MGST1: variants seen among roughly 807,000 people sequenced by gnomAD.
The protein encoded by MGST1 is glutathione S-transferase 12.
A neutral mutation model predicts 8.9 loss-of-function variants in MGST1; 5 were observed. That is an observed-to-expected ratio of 0.56 (90% CI 0.29 to 1.19). The LOEUF is 1.19. MGST1 is among the 50% of genes most tolerant of loss of function. The pLI, the probability that MGST1 is intolerant of heterozygous loss-of-function variation, is 0.08. For missense variants in MGST1, 182 were observed against 187.4 expected (o/e 0.97, Z 0.17); for synonymous variants, 54 against 67.8 (o/e 0.80, Z 1.00).
At chr12:16,493,076 G>T (rs1267302077) in intron 4 of MGST1, among the ~76,000 whole-genome samples, 1 of 152,162 alleles carries the variant, frequency 6.6e-6, no homozygotes, top group African/African-American at 2.4e-5. Flanking sequence ...TTTCTTTGCA[G>T]AGAATAGGGC....
chr12:16,349,119 T>C (rs1939336434), intron 1 of MGST1: 1 of 152,196 alleles, frequency 6.6e-6, no homozygotes, highest in Admixed American at 6.5e-5. Flanking sequence ...ATCCGCAACA[T>C]GGCCACCGAA....
At chr12:16,469,373 G>C (rs1327842867) in intron 4 of MGST1, among the ~76,000 whole-genome samples, 2 of 151,896 alleles carry the variant, frequency 1.3e-5, no homozygotes, top group Non-Finnish European at 2.9e-5. Flanking sequence ...ATTTTTAGTA[G>C]AGACAAGGTT....
intron 4 of MGST1, among the ~76,000 whole-genome samples, chr12:16,533,584 G>T (rs1941735840): frequency 6.6e-6 from 1 of 152,084 alleles, no homozygotes; most frequent in Non-Finnish European, 1.5e-5. Context: ...GGAGATTCCA[G>T]GATTGTGTTA....
intron 4 of MGST1, among the ~76,000 whole-genome samples, chr12:16,472,420 G>A (rs570024706): frequency 2.2e-4 from 33 of 151,154 alleles, no homozygotes; most frequent in Non-Finnish European, 4.6e-4. Flanking sequence ...CAGTTGAGTA[G>A]GGCCTTCCTT....
intron 4 of MGST1, among the ~76,000 whole-genome samples, chr12:16,509,293 AC>A (rs1049686366): frequency 4.6e-5 from 7 of 152,140 alleles, no homozygotes; most frequent in Admixed American, 1.3e-4. Context: ...GAATATACAA[AC>A]AATAGATTTT....
chr12:16,357,405 A>G (rs1004596487), intron 2 of MGST1, 200 bp from the exon 3 acceptor site: 11 of 480,864 alleles, frequency 2.3e-5, no homozygotes, highest in Non-Finnish European at 3.7e-5. Flanking sequence ...GACCACAGGC[A>G]TGCATGTGGC....
chr12:16,527,113 C>A (rs1941692294), intron 4 of MGST1, among the ~76,000 whole-genome samples: 1 of 151,952 alleles, frequency 6.6e-6, no homozygotes, highest in Non-Finnish European at 1.5e-5. Context: ...CCCATCAATA[C>A]AAATACCCAG....
At chr12:16,445,170 A>G (rs1242050097) in intron 4 of MGST1, among the ~76,000 whole-genome samples, 3 of 151,632 alleles carry the variant, frequency 2.0e-5, no homozygotes, top group Non-Finnish European at 4.4e-5. Flanking sequence ...GTCACATACT[A>G]TATTAGGCCA....
downstream of MGST1, among the ~76,000 whole-genome samples, chr12:16,366,636 C>T (rs1591706657): frequency 3.6e-5 from 1 of 28,070 alleles, no homozygotes; most frequent in Non-Finnish European, 6.3e-5. This position sits in a 1 kb window ranked among gnomAD's most constrained non-coding sequence, Gnocchi z 4.0. Flanking sequence ...TGTACACACA[C>T]ACACACACAC....
rs368347789 is a variant in MGST1 at position 16,444,545 on chromosome 12, AC to A, written n.482+60942del. Among the ~76,000 whole-genome samples the A allele has an allele frequency of 9.9e-4, 150 of 152,046 alleles. No individual in the cohort carries two copies. In the Middle Eastern group the frequency reaches 0.024, roughly 24 times the overall value. On this transcript the variant is annotated intron_variant and non_coding_transcript_variant, in intron 4 of 4. Transcript: ENST00000538857. ...AGTAACTCCTACATGTGACTTCAAT[AC>A]AGACACCATCATTTTCAGCTTATCC... is the stretch of plus-strand genomic sequence containing the variant.
intron 1 of MGST1, among the ~76,000 whole-genome samples, chr12:16,417,104 T>C (rs957131831): frequency 2.6e-5 from 4 of 152,198 alleles, no homozygotes; most frequent in African/African-American, 9.7e-5. Context: ...TTCATTCTCA[T>C]GCTGCTATGA....
chr12:16,372,018 T>A (rs1205726775), intron 3 of MGST1, among the ~76,000 whole-genome samples: 6 of 151,340 alleles, frequency 4.0e-5, no homozygotes, highest in Non-Finnish European at 8.9e-5. Context: ...TCTCTTGCCA[T>A]ATACAAAAAT....
intron 1 of MGST1, among the ~76,000 whole-genome samples, chr12:16,422,136 A>C (rs527615968): frequency 6.6e-6 from 1 of 152,324 alleles, no homozygotes; most frequent in African/African-American, 2.4e-5. Flanking sequence ...ACTGGCTGAC[A>C]TCAACTGACT....
chr12:16,584,586 G>T lies in MGST1; in HGVS notation n.483-4942G>T, dbSNP rs908566512. ...GATTAACATTGGCAAGTGGAGGAGT[G>T]GGGGGGGTAAGAGGCCTGTTTAGAG... On this transcript the variant is annotated intron_variant and non_coding_transcript_variant, in intron 4 of 4. Coordinates refer to the MGST1 transcript ENST00000538857. This position sits in a 1 kb window ranked among gnomAD's most constrained non-coding sequence, Gnocchi z 5.2. 1.0e-4 allele frequency among the ~76,000 whole-genome samples: 14 copies of T among 136,470 alleles called. No homozygotes were observed. The highest frequency in any genetic ancestry group is 6.8e-4 in the South Asian group (3 of 4,430). The allele number at this position is 136,470 out of a possible 152,430, so 89.5% of individuals were successfully genotyped here. A position where few individuals can be genotyped will look rare whatever the true frequency, so the allele number is the denominator to read the frequency against.
Position 16,546,652 on chromosome 12 carries a change from G to A in MGST1, n.483-42876G>A, listed in dbSNP as rs986065669. Among the ~76,000 whole-genome samples the A allele has an allele frequency of 6.6e-6, 1 of 152,066 alleles. No homozygotes were observed. Among genetic ancestry groups the A allele is most frequent in the East Asian group, 1.9e-4 (1 of 5,194 alleles). The stretch of plus-strand genomic sequence containing the variant: ...TCAGTGTGTGTAATTGTTAACACCT[G>A]CTATGTGTTACCAACAGATGTTTCT... On this transcript the variant is annotated intron_variant and non_coding_transcript_variant, in intron 4 of 4. Coordinates refer to the MGST1 transcript ENST00000538857. The surrounding 1 kb of genome is among the most constrained non-coding windows in gnomAD (Gnocchi z 4.7).
Position 16,589,333 on chromosome 12 carries a change from AAC to A in MGST1, n.483-191_483-190del, listed in dbSNP as rs1422720286. Among the ~76,000 whole-genome samples the A allele has an allele frequency of 3.3e-5, 5 of 152,252 alleles. No individual in the cohort carries two copies. Among genetic ancestry groups the A allele is most frequent in the Non-Finnish European group, 7.4e-5 (5 of 67,998 alleles). Reference sequence around the variant, plus strand: ...TACCTAATGTAGTAGAATAATGAGAAACACATGATGAGACATTTAAAATATAC... The same window carrying A: ...TACCTAATGTAGTAGAATAATGAGAAACATGATGAGACATTTAAAATATAC... On this transcript the variant is annotated intron_variant and non_coding_transcript_variant, in intron 4 of 4. Coordinates refer to the MGST1 transcript ENST00000538857. The surrounding 1 kb of genome is among the most constrained non-coding windows in gnomAD (Gnocchi z 4.2).
At chr12:16,469,216 C>T (rs1363403836) in intron 4 of MGST1, among the ~76,000 whole-genome samples, 2 of 125,604 alleles carry the variant, frequency 1.6e-5, no homozygotes, top group Non-Finnish European at 1.6e-5. Flanking sequence ...CAGAGCCTCA[C>T]TCTGTTGCCC....
At chr12:16,351,036 G>C (rs573294611) in intron 1 of MGST1, among the ~76,000 whole-genome samples, 1 of 152,068 alleles carries the variant, frequency 6.6e-6, no homozygotes, top group South Asian at 2.1e-4. Flanking sequence ...GATTTTCAAT[G>C]AGGGGGAAAA....
chr12:16,385,201 A>G (rs1034235482), intron 1 of MGST1, among the ~76,000 whole-genome samples: 21 of 152,200 alleles, frequency 1.4e-4, no homozygotes, highest in Non-Finnish European at 3.1e-4. Context: ...TAAAGTTCTT[A>G]TTGTGCCCAA....
Sources: gnomAD v4.1 joint callset for allele counts (sites outside exome capture counted in the v4.1 genomes callset) on GRCh38, gnomAD v4.1.1 for gene constraint, Gnocchi (gnomAD v3.1) non-coding constraint, MANE v1.5 for transcripts, NCBI Gene and HGNC (gene_info 2026-07-23, HGNC 2026-07-21) for gene names.